Variants in FSTL4 observed in about 807,000 individuals in gnomAD.
FSTL4 encodes follistatin like 4, also known as follistatin-related protein 4.
FSTL4 carries 28 observed loss-of-function variants against 78.2 expected under a neutral mutation model. The observed-to-expected ratio is 0.36, with a 90% confidence interval of 0.27 to 0.49. FSTL4 has a LOEUF of 0.49. FSTL4 is among the 20% of genes least tolerant of loss of function. The pLI, the probability that FSTL4 is intolerant of heterozygous loss-of-function variation, is 0.98. For synonymous variants in FSTL4, 422 were observed against 440.5 expected, an observed-to-expected ratio of 0.96 and a Z score of 0.53; for missense variants, 922 against 1,084.9, an observed-to-expected ratio of 0.85 and a Z score of 2.11.
chr5:133,331,712 C>T (rs564988230), intron 4 of FSTL4, among the ~76,000 whole-genome samples: 6 of 152,120 alleles, frequency 3.9e-5, no homozygotes, highest in Non-Finnish European at 7.3e-5. Flanking sequence ...CTTAACCTCT[C>T]GGACTTGAAC....
At chr5:133,562,945 G>A (rs540856417) in intron 3 of FSTL4, among the ~76,000 whole-genome samples, 49 of 152,332 alleles carry the variant, frequency 3.2e-4, no homozygotes, top group Admixed American at 2.7e-3. Context: ...GGACACGGGA[G>A]TATCTTAGAA....
the FSTL4 span, among the ~76,000 whole-genome samples, chr5:133,701,454 CAGAA>C: frequency 8.1e-6 from 1 of 123,130 alleles, no homozygotes; most frequent in East Asian, 2.4e-4. Flanking sequence ...AGAACCTAGT[CAGAA>C]AGACACAGAA....
At chr5:133,461,524 A>T (rs371337154) in intron 3 of FSTL4, among the ~76,000 whole-genome samples, 1 of 150,342 alleles carries the variant, frequency 6.7e-6, no homozygotes, top group Non-Finnish European at 1.5e-5. Context: ...GATGAATGCA[A>T]ATTTGATTTT....
At chr5:133,794,595 T>C in the FSTL4 span, among the ~76,000 whole-genome samples, 1 of 152,184 alleles carries the variant, frequency 6.6e-6, no homozygotes, top group Non-Finnish European at 1.5e-5. Context: ...GTAACAAATG[T>C]GTGAACAGAC....
intron 3 of FSTL4, among the ~76,000 whole-genome samples, chr5:133,476,089 G>A (rs1032311155): frequency 6.6e-6 from 1 of 152,196 alleles, no homozygotes; most frequent in Non-Finnish European, 1.5e-5. Flanking sequence ...GAAAGGTGCT[G>A]AGGCCAGCAG....
At position 133,351,984 on chromosome 5, in the gene FSTL4, A is replaced by G. The variant is rs571329548; in HGVS notation, c.410-35332T>C. On this transcript the variant is annotated intron_variant, in intron 4 of 15. Coordinates refer to ENST00000265342, the MANE Select transcript of FSTL4 (RefSeq NM_015082.2). ...AGTATGGCTCTTTTTTTTATTTTTG[A>G]AGAGTATTTAGATCTGTCACAATTT... Among the ~76,000 whole-genome samples the G allele has an allele frequency of 5.9e-5, 9 of 151,310 alleles. No homozygotes were observed. The South Asian group carries it at 1.9e-3, about 32-fold the overall frequency.
At chr5:133,662,282 A>G in the FSTL4 span, among the ~76,000 whole-genome samples, 2 of 152,214 alleles carry the variant, frequency 1.3e-5, no homozygotes, top group African/African-American at 2.4e-5. Flanking sequence ...TTTTCTATCT[A>G]ATCCTCAATT....
the FSTL4 span, among the ~76,000 whole-genome samples, chr5:133,763,501 C>T: frequency 0.022 from 3,413 of 152,242 alleles, 148 homozygotes; most frequent in African/African-American, 0.078. Context: ...TCCCACAGCC[C>T]CTCTGAGCCT....
the FSTL4 span, among the ~76,000 whole-genome samples, chr5:133,645,822 A>T: frequency 1.3e-5 from 2 of 152,286 alleles, no homozygotes; most frequent in Admixed American, 1.3e-4. Flanking sequence ...GGAACACCAG[A>T]AGCCAGAAAA....
At chr5:133,416,422 T>C (rs1480461785) in intron 3 of FSTL4, among the ~76,000 whole-genome samples, 4 of 152,222 alleles carry the variant, frequency 2.6e-5, no homozygotes, top group Admixed American at 2.6e-4. Flanking sequence ...ATCACAGTAC[T>C]AGTTAATTCT....
At chr5:133,530,819 C>T (rs1007161367) in intron 3 of FSTL4, among the ~76,000 whole-genome samples, 1 of 152,188 alleles carries the variant, frequency 6.6e-6, no homozygotes, top group African/African-American at 2.4e-5. Context: ...AGGCCCCACA[C>T]CCCAGTGCAG....
At chr5:133,302,752 G>A (rs953101311) in intron 6 of FSTL4, among the ~76,000 whole-genome samples, 4 of 152,296 alleles carry the variant, frequency 2.6e-5, no homozygotes, top group South Asian at 2.1e-4. Flanking sequence ...CTCACCCGGC[G>A]CATGCCACAC....
chr5:133,560,701 C>T (rs1201628755), intron 3 of FSTL4, among the ~76,000 whole-genome samples: 6 of 151,062 alleles, frequency 4.0e-5, no homozygotes, highest in Non-Finnish European at 8.8e-5. Context: ...ATCTTAAAGG[C>T]TTAGTTCTTC....
intron 5 of FSTL4, among the ~76,000 whole-genome samples, chr5:133,313,580 A>G (rs1753838906): frequency 6.6e-6 from 1 of 152,076 alleles, no homozygotes; most frequent in Non-Finnish European, 1.5e-5. Flanking sequence ...TGCAGGGAAA[A>G]TGCTCAGAAG....
In FSTL4 at chr5:133,493,263, T is replaced by C. The variant is rs758256262; in HGVS notation, c.160+73923A>G. On this transcript the variant is annotated intron_variant, in intron 3 of 15. Transcript: ENST00000265342. ...ATGATCTGCAATTTTATGTTGTAGG[T>C]TGAGATTTTCTTTTTCCCATCGGCA... is the stretch of plus-strand genomic sequence containing the variant. 2.7e-4 allele frequency among the ~76,000 whole-genome samples: 41 copies of C among 152,182 alleles called. 1 individual carries two copies. Among genetic ancestry groups the C allele is most frequent in the Non-Finnish European group, 5.6e-4 (38 of 68,040 alleles).
chr5:133,423,851 A>G (rs1756749780), intron 3 of FSTL4, among the ~76,000 whole-genome samples: 1 of 152,180 alleles, frequency 6.6e-6, no homozygotes, highest in Non-Finnish European at 1.5e-5. Flanking sequence ...CTTTGTCACA[A>G]CGGAGTACTC....
In FSTL4 at chr5:133,236,720, G is replaced by C. The variant is rs1477113119; in HGVS notation, c.895-3183C>G. The stretch of plus-strand genomic sequence containing the variant: ...GCACACTCCCCTTGCTGTTGCTCTA[G>C]TGTGCCAGGCATGCTCCCCTCCTCC... On this transcript the variant is annotated intron_variant, in intron 7 of 15. Coordinates refer to ENST00000265342, the MANE Select transcript of FSTL4 (RefSeq NM_015082.2). The surrounding 1 kb of genome is among the most constrained non-coding windows in gnomAD (Gnocchi z 5.0). Among the ~76,000 whole-genome samples, 1 of 152,168 alleles carries C rather than the reference G, an allele frequency of 6.6e-6. No homozygotes were observed. The highest frequency in any genetic ancestry group is 1.5e-5 in the Non-Finnish European group (1 of 68,026).
the FSTL4 span, among the ~76,000 whole-genome samples, chr5:133,673,879 C>G: frequency 6.6e-6 from 1 of 152,192 alleles, no homozygotes; most frequent in Admixed American, 6.5e-5. Context: ...CTCAAACTCT[C>G]CAAGTTCCTC....
chr5:133,479,762 C>T (rs1369475527), intron 3 of FSTL4, among the ~76,000 whole-genome samples: 1 of 152,116 alleles, frequency 6.6e-6, no homozygotes, highest in Non-Finnish European at 1.5e-5. Context: ...ATTGTAGTGA[C>T]AAACTAATTT....
Sources: gnomAD v4.1 joint callset for allele counts (sites outside exome capture counted in the v4.1 genomes callset) on GRCh38, gnomAD v4.1.1 for gene constraint, Gnocchi (gnomAD v3.1) non-coding constraint, MANE v1.5 for transcripts, NCBI Gene and HGNC (gene_info 2026-07-23, HGNC 2026-07-21) for gene names.